Variants in UTRN observed in about 807,000 individuals in gnomAD.
UTRN encodes utrophin.
UTRN carries 283 observed loss-of-function variants against 463.9 expected under a neutral mutation model. The observed-to-expected ratio is 0.61, with a 90% CI of 0.55 to 0.67. The LOEUF is 0.67. Ranked by LOEUF, UTRN falls within the 30% of genes least tolerant of loss-of-function variation. UTRN has a pLI of 0.00. For missense variants in UTRN, 3,922 were observed against 4,084.3 expected (o/e 0.96, Z 1.08); for synonymous variants, 1,442 against 1,431.5 (o/e 1.01, Z -0.17).
chr6:144,600,887 A>G (rs566437660), intron 51 of UTRN, among the ~76,000 whole-genome samples: 1 of 152,338 alleles, frequency 6.6e-6, no homozygotes. Flanking sequence ...TGGTTAATGC[A>G]GCTGGTGACT....
At position 144,554,714 on chromosome 6, in the gene UTRN, G is replaced by C; in HGVS notation, c.6955G>C (p.Gly2319Arg). 1 of 1,613,930 alleles carries C rather than the reference G, an allele frequency of 6.2e-7. No homozygotes were observed. Among genetic ancestry groups the C allele is most frequent in the Non-Finnish European group, 8.5e-7 (1 of 1,179,948 alleles). The change falls in exon 49 of 75, where the codon GGC becomes CGC. Residue 2319 changes from glycine to arginine, a missense_variant. Gly to Arg is a moderately radical substitution (Grantham distance 125, BLOSUM62 -2). This residue lies in a region of UTRN where 1,309 missense variants were observed against 1,452.6 expected (regional missense o/e 0.90). Coordinates refer to ENST00000367545, the MANE Select transcript of UTRN (RefSeq NM_007124.3). ...KLERVKNQWD[G>R]TQHGVELRQQ... Reference sequence around the variant, plus strand: ...GGAAAGGGTCAAGAACCAGTGGGATGGCACCCAGCATGGCGTTGAGCTAAG... The same window carrying C: ...GGAAAGGGTCAAGAACCAGTGGGATCGCACCCAGCATGGCGTTGAGCTAAG...
chr6:144,482,168 G>A, intron 26 of UTRN, 41 bp from the exon 27 acceptor site: 1 of 1,374,270 alleles, frequency 7.3e-7, no homozygotes, highest in Non-Finnish European at 9.5e-7. Flanking sequence ...TACTGAGAAA[G>A]GGAGACGTTT....
chr6:144,313,874 A>T (rs1775101392), intron 2 of UTRN, among the ~76,000 whole-genome samples: 1 of 152,202 alleles, frequency 6.6e-6, no homozygotes, highest in Admixed American at 6.5e-5. Context: ...TGCTACAAAG[A>T]GAATGTTACA....
At chr6:144,797,644 C>T in intron 63 of UTRN, 180 bp from the exon 64 acceptor site, 1 of 545,048 alleles carries the variant, frequency 1.8e-6, no homozygotes, top group Non-Finnish European at 2.9e-6. Context: ...TTTTTCTACT[C>T]ATAAGTTCTA....
chr6:144,379,895 G>A (rs777432978), intron 2 of UTRN, among the ~76,000 whole-genome samples: 7 of 152,190 alleles, frequency 4.6e-5, no homozygotes, highest in Admixed American at 6.5e-5. Flanking sequence ...AATCTAACTT[G>A]TAGAGGATCT....
intron 65 of UTRN, among the ~76,000 whole-genome samples, chr6:144,810,599 A>G (rs1425223224): frequency 1.3e-5 from 2 of 152,114 alleles, no homozygotes; most frequent in Non-Finnish European, 2.9e-5. Context: ...GAAATAGTAA[A>G]AGGAAAGAAG....
intron 53 of UTRN, among the ~76,000 whole-genome samples, chr6:144,711,365 A>G (rs1785686373): frequency 6.6e-6 from 1 of 152,154 alleles, no homozygotes; most frequent in Non-Finnish European, 1.5e-5. Flanking sequence ...AATAAATAAT[A>G]AAATAAATGG....
chr6:144,300,405 A>T (rs879692322), intron 2 of UTRN, among the ~76,000 whole-genome samples: 1 of 152,162 alleles, frequency 6.6e-6, no homozygotes, highest in Admixed American at 6.5e-5. Flanking sequence ...TGATATCCTT[A>T]TATTCAGTTA....
At chr6:144,793,805 G>T (rs1029561781) in intron 62 of UTRN, 29 bp from the exon 63 acceptor site, 1 of 1,606,942 alleles carries the variant, frequency 6.2e-7, no homozygotes, top group Non-Finnish European at 8.5e-7. Flanking sequence ...GTAGACAGAT[G>T]AAAGTTAACC....
intron 74 of UTRN, among the ~76,000 whole-genome samples, chr6:144,850,386 A>AT (rs1289333696): frequency 6.6e-6 from 1 of 152,150 alleles, no homozygotes; most frequent in Non-Finnish European, 1.5e-5. Flanking sequence ...GGATGATTTC[A>AT]TTTTAGCACT....
chr6:144,663,535 A>G (rs1309358815), intron 51 of UTRN, among the ~76,000 whole-genome samples: 1 of 152,136 alleles, frequency 6.6e-6, no homozygotes, highest in Non-Finnish European at 1.5e-5. Flanking sequence ...GTCACAGAGG[A>G]TAGTGTAATG....
intron 34 of UTRN, among the ~76,000 whole-genome samples, chr6:144,508,337 G>A (rs1044827638): frequency 4.6e-5 from 7 of 152,134 alleles, no homozygotes; most frequent in Non-Finnish European, 8.8e-5. Context: ...CTCCCCAATC[G>A]GCTGCCCAGT....
chr6:144,419,522 G>A (rs1273942783), intron 3 of UTRN, among the ~76,000 whole-genome samples: 1 of 152,140 alleles, frequency 6.6e-6, no homozygotes, highest in Non-Finnish European at 1.5e-5. Context: ...ATAGAGGGAG[G>A]GGAACAAGGG....
chr6:144,305,873 C>T (rs1805689234), intron 2 of UTRN, among the ~76,000 whole-genome samples: 3 of 152,272 alleles, frequency 2.0e-5, no homozygotes, highest in Admixed American at 1.3e-4. Context: ...TGAATTTGTG[C>T]ATTGCCTTGC....
chr6:144,704,196 A>G (rs565990801), intron 53 of UTRN, among the ~76,000 whole-genome samples: 16 of 152,110 alleles, frequency 1.1e-4, no homozygotes, highest in African/African-American at 3.1e-4. Flanking sequence ...TTTTGTTTTT[A>G]CTTGAGTCTG....
At chr6:144,720,382 G>A (rs1437775694) in intron 53 of UTRN, among the ~76,000 whole-genome samples, 2 of 152,208 alleles carry the variant, frequency 1.3e-5, no homozygotes, top group South Asian at 2.1e-4. Flanking sequence ...TGAATAAGCA[G>A]CAGTTTATTC....
intron 61 of UTRN, among the ~76,000 whole-genome samples, chr6:144,782,494 A>G (rs1294067597): frequency 3.9e-5 from 6 of 152,074 alleles, no homozygotes; most frequent in Non-Finnish European, 8.8e-5. Flanking sequence ...ATTGTTATGA[A>G]TTACAGTAAT....
intron 3 of UTRN, among the ~76,000 whole-genome samples, chr6:144,415,635 G>A (rs989540975): frequency 1.3e-5 from 2 of 152,160 alleles, no homozygotes; most frequent in Non-Finnish European, 2.9e-5. Flanking sequence ...GAGAGGGTGG[G>A]ACCAGATCTC....
intron 33 of UTRN, 92 bp from the exon 34 acceptor site, chr6:144,499,165 C>A: frequency 7.5e-7 from 1 of 1,339,722 alleles, no homozygotes; most frequent in South Asian, 1.5e-5. Context: ...ATATATGAAT[C>A]AGTTTGGATC....
Sources: allele counts gnomAD v4.1 joint callset (sites outside exome capture counted in the v4.1 genomes callset), GRCh38; gene constraint gnomAD v4.1.1; regional missense constraint gnomAD v4.1.1; transcripts MANE v1.5; gene names NCBI Gene and HGNC (gene_info 2026-07-23, HGNC 2026-07-21).